NRXN2: variants seen among roughly 807,000 people sequenced by gnomAD.
NRXN2 encodes neurexin-2-beta.
A neutral mutation model predicts 128.8 loss-of-function variants in NRXN2; 29 were observed. The ratio of observed to expected loss-of-function variants is 0.23; its 90% CI spans 0.17 to 0.31. NRXN2 has a LOEUF of 0.31. NRXN2 is among the 10% of genes least tolerant of loss of function. The pLI, the probability that NRXN2 is intolerant of heterozygous loss-of-function variation, is 1.00. For missense variants in NRXN2, 1,881 were observed against 2,452.6 expected (o/e 0.77, Z 4.92); for synonymous variants, 1,098 against 1,075.2 (o/e 1.02, Z -0.41).
Position 64,690,390 on chromosome 11 carries a change from A to G in NRXN2, c.850+15T>C. The G allele has an allele frequency of 6.2e-7, 1 of 1,610,078 alleles. No homozygotes were observed. The highest frequency in any genetic ancestry group is 8.5e-7 in the Non-Finnish European group (1 of 1,178,344). On this transcript the variant is annotated intron_variant, in intron 5 of 22. Coordinates refer to ENST00000265459, the MANE Select transcript of NRXN2 (RefSeq NM_015080.4). Reference sequence around the variant, plus strand: ...ATGAGGGCTGGGCTCTCTGGGGACCATGGGGGTCACTGACCTTTTGTTGGC... The same window carrying G: ...ATGAGGGCTGGGCTCTCTGGGGACCGTGGGGGTCACTGACCTTTTGTTGGC...
Position 64,692,885 on chromosome 11 carries a change from G to A in NRXN2, c.749-9C>T. 1 of 1,610,364 alleles carries A rather than the reference G, an allele frequency of 6.2e-7. No homozygotes were observed. Among genetic ancestry groups the A allele is most frequent in the Non-Finnish European group, 8.5e-7 (1 of 1,177,204 alleles). On this transcript the variant is annotated splice_polypyrimidine_tract_variant and intron_variant, in intron 3 of 22. Transcript: ENST00000265459. Reference sequence around the variant, plus strand: ...CGTCAGGTGAGCCGGACCTTGGAAAGGGGAAGGAGAGAAAGAAAGAAAGAA... The same window carrying A: ...CGTCAGGTGAGCCGGACCTTGGAAAAGGGAAGGAGAGAAAGAAAGAAAGAA...
intron 5 of NRXN2, among the ~76,000 whole-genome samples, chr11:64,689,135 G>A (rs1434666278): frequency 6.6e-6 from 1 of 152,052 alleles, no homozygotes. Flanking sequence ...AAAGGGTGGG[G>A]TCCAGCTTCC....
chr11:64,676,634 A>G (rs764174518), intron 7 of NRXN2: 7 of 310,068 alleles, frequency 2.3e-5, no homozygotes, highest in East Asian at 6.1e-5. Flanking sequence ...ATAAAGCAAT[A>G]GAAATAAGCA....
chr11:64,642,473 G>A, intron 17 of NRXN2: 1 of 1,535,890 alleles, frequency 6.5e-7, no homozygotes, highest in Non-Finnish European at 8.7e-7. Context: ...GGGCCCAGCT[G>A]CGCACACGGG....
intron 18 of NRXN2, among the ~76,000 whole-genome samples, chr11:64,633,816 T>C (rs1358318321): frequency 6.6e-6 from 1 of 152,098 alleles, no homozygotes; most frequent in Non-Finnish European, 1.5e-5. Flanking sequence ...CTCACCATTC[T>C]AGATAACTGC....
At chr11:64,707,138 A>G (rs1041053784) in intron 2 of NRXN2, among the ~76,000 whole-genome samples, 6 of 152,062 alleles carry the variant, frequency 3.9e-5, no homozygotes, top group Non-Finnish European at 7.4e-5. Flanking sequence ...GCACTTTGGG[A>G]GGCCAAGGTG....
chr11:64,640,531 G>C (rs1193373515), intron 17 of NRXN2, among the ~76,000 whole-genome samples: 1 of 152,158 alleles, frequency 6.6e-6, no homozygotes, highest in African/African-American at 2.4e-5. Flanking sequence ...GAAAGGGGGA[G>C]GAAGGTAACA....
At chr11:64,716,100 C>G (rs988244236) in intron 1 of NRXN2, among the ~76,000 whole-genome samples, 3 of 152,144 alleles carry the variant, frequency 2.0e-5, no homozygotes, top group African/African-American at 7.2e-5. Context: ...TCCTTCCCTG[C>G]TAGGGTCTCC....
At chr11:64,716,960 C>T (rs578215492) in intron 1 of NRXN2, among the ~76,000 whole-genome samples, 1 of 152,078 alleles carries the variant, frequency 6.6e-6, no homozygotes, top group African/African-American at 2.4e-5. Context: ...CCCACCCAGG[C>T]CAAGGCTGCT....
In NRXN2 at chr11:64,662,788, A is replaced by AT. The variant is rs1185339741; in HGVS notation, c.1799-1650_1799-1649insA. On this transcript the variant is annotated intron_variant, in intron 9 of 22. Coordinates refer to ENST00000265459, the MANE Select transcript of NRXN2 (RefSeq NM_015080.4). Reference sequence around the variant, plus strand: ...CAGAGCGAGATTCTGTCTCAAAAAAAAAAATAAATAAATAAATAAAAGGGG... The same window carrying AT: ...CAGAGCGAGATTCTGTCTCAAAAAAATAAAATAAATAAATAAATAAAAGGGG... 7.3e-3 allele frequency among the ~76,000 whole-genome samples: 1,101 copies of AT among 151,838 alleles called. 9 individuals carry two copies. Among genetic ancestry groups the AT allele is most frequent in the African/African-American group, 0.025 (1,052 of 41,282 alleles).
chr11:64,708,631 C>T (rs2056580630), intron 2 of NRXN2, among the ~76,000 whole-genome samples: 1 of 152,194 alleles, frequency 6.6e-6, no homozygotes, highest in Admixed American at 6.5e-5. Flanking sequence ...AATGAGTAAG[C>T]CCAGACCCTG....
chr11:64,664,718 G>C (rs556161175), intron 9 of NRXN2, among the ~76,000 whole-genome samples: 3,658 of 152,036 alleles, frequency 0.024, 61 homozygotes, highest in Non-Finnish European at 0.038. Flanking sequence ...GAGGCCGGGC[G>C]CCGTGGCTCA....
intron 6 of NRXN2, among the ~76,000 whole-genome samples, chr11:64,680,834 C>T (rs950430356): frequency 6.6e-6 from 1 of 152,064 alleles, no homozygotes; most frequent in Non-Finnish European, 1.5e-5. Context: ...CAGTGGCTCA[C>T]GCCTGTAATC....
Position 64,648,565 on chromosome 11 carries a change from A to T in NRXN2, c.3283+169T>A, listed in dbSNP as rs2047037546. ...TGTGAGACAACAGGGAGGGCAAGTG[A>T]CCCTTCACACACCTGTATCCCTGCC... On this transcript the variant is annotated intron_variant, in intron 16 of 22. Coordinates refer to ENST00000265459, the MANE Select transcript of NRXN2 (RefSeq NM_015080.4). This position sits in a 1 kb window ranked among gnomAD's most constrained non-coding sequence, Gnocchi z 4.1. 6.6e-6 allele frequency among the ~76,000 whole-genome samples: 1 copy of T among 152,074 alleles called. No homozygotes were observed. The highest frequency in any genetic ancestry group is 2.1e-4 in the South Asian group (1 of 4,822).
intron 2 of NRXN2, among the ~76,000 whole-genome samples, chr11:64,701,926 G>T (rs1592221565): frequency 7.3e-6 from 1 of 136,470 alleles, no homozygotes; most frequent in African/African-American, 2.8e-5. Context: ...CCCCCGCCCG[G>T]CCAGCCGCCC....
At chr11:64,718,025 A>G (rs776237372) in intron 1 of NRXN2, among the ~76,000 whole-genome samples, 4 of 152,096 alleles carry the variant, frequency 2.6e-5, no homozygotes, top group Non-Finnish European at 5.9e-5. Flanking sequence ...CCTGATGTGG[A>G]AACTGAGTCC....
intron 17 of NRXN2, among the ~76,000 whole-genome samples, chr11:64,643,847 A>G (rs1436919110): frequency 6.6e-6 from 1 of 151,980 alleles, no homozygotes; most frequent in Non-Finnish European, 1.5e-5. Flanking sequence ...TGAGGCTAGC[A>G]AGAGAGGCCA....
At chr11:64,711,373 G>A (rs1029710144) in intron 2 of NRXN2, among the ~76,000 whole-genome samples, 17 of 152,190 alleles carry the variant, frequency 1.1e-4, no homozygotes, top group Non-Finnish European at 1.8e-4. Context: ...GAACAGGGAC[G>A]AGGGGCGGGG....
chr11:64,713,217 G>C lies in NRXN2; in HGVS notation c.483C>G (p.Leu161=). Residue 161 remains leucine, a synonymous_variant, in exon 2 of 23, where the codon CTC becomes CTG. Transcript: ENST00000265459. ...FVGGIPPDVR[L]SALTLSTVKY... ...TGACGGTGCTCAGCGTAAGCGCCGA[G>C]AGGCGCACGTCGGGCGGGATGCCGC... The C allele has an allele frequency of 6.8e-7, 1 of 1,468,210 alleles. No homozygotes were observed. Among genetic ancestry groups the C allele is most frequent in the Non-Finnish European group, 9.0e-7 (1 of 1,113,896 alleles). 90.9% of individuals were successfully genotyped at this position (1,468,210 alleles called of 1,614,324 possible). A position where few individuals can be genotyped will look rare whatever the true frequency, so the allele number is the denominator to read the frequency against.
Sources: gnomAD v4.1 joint callset for allele counts (sites outside exome capture counted in the v4.1 genomes callset) on GRCh38, gnomAD v4.1.1 for gene constraint, Gnocchi (gnomAD v3.1) non-coding constraint, MANE v1.5 for transcripts, NCBI Gene and HGNC (gene_info 2026-07-23, HGNC 2026-07-21) for gene names.